Variants in COL11A1 observed in about 807,000 individuals in gnomAD.
The protein encoded by COL11A1 is collagen type XI alpha 1 chain.
A neutral mutation model predicts 265.2 loss-of-function variants in COL11A1; 74 were observed. The observed-to-expected ratio is 0.28, with a 90% CI of 0.23 to 0.34. The LOEUF is 0.34. COL11A1 is among the 10% of genes least tolerant of loss of function. The pLI is 1.00. For missense variants in COL11A1, 2,165 were observed against 2,263.6 expected (o/e 0.96, Z 0.88); for synonymous variants, 816 against 727.6 (o/e 1.12, Z -1.96).
At chr1:103,005,813 A>C (rs759185886) in intron 18 of COL11A1, 25 bp downstream of exon 18, 1 of 1,604,706 alleles carries the variant, frequency 6.2e-7, no homozygotes, top group South Asian at 1.1e-5. Context: ...CATTCCCTGG[A>C]AAAAAAGGAA....
At chr1:103,068,916 TAAAC>T (rs1671359367) in intron 4 of COL11A1, among the ~76,000 whole-genome samples, 1 of 151,250 alleles carries the variant, frequency 6.6e-6, no homozygotes, top group African/African-American at 2.4e-5. Context: ...AAAAAAAAAT[TAAAC>T]AAGACCAAAA....
intron 7 of COL11A1, 34 bp from the exon 8 acceptor site, chr1:103,023,030 T>C: frequency 6.3e-7 from 1 of 1,599,230 alleles, no homozygotes; most frequent in Non-Finnish European, 8.5e-7. Flanking sequence ...TTGAGGAACA[T>C]GAAGTTTATT....
intron 51 of COL11A1, 84 bp from the exon 52 acceptor site, chr1:102,914,489 A>G (rs1655071657): frequency 1.5e-6 from 2 of 1,304,516 alleles, no homozygotes; most frequent in Non-Finnish European, 2.1e-6. Flanking sequence ...GAAGAGGTTA[A>G]AGTCATGACA....
Position 103,002,333 on chromosome 1 carries a change from G to T in COL11A1, c.2097+95C>A, listed in dbSNP as rs1665184813. 7.5e-6 allele frequency: 8 copies of T among 1,069,994 alleles called. 1 individual carries two copies. The highest frequency in any genetic ancestry group is 1.4e-6 in the Non-Finnish European group (1 of 709,388). The allele number at this position is 1,069,994 out of a possible 1,614,324, so 66.3% of individuals were successfully genotyped here. On this transcript the variant is annotated intron_variant, in intron 23 of 66. Coordinates refer to ENST00000370096, the MANE Select transcript of COL11A1 (RefSeq NM_001854.4). ...ACATTCACATTTTAAATATTGCTAGGACTACATAGAAAATTGTGAGACTGT... is the reference window on the plus strand; with the variant it reads ...ACATTCACATTTTAAATATTGCTAGTACTACATAGAAAATTGTGAGACTGT...
intron 36 of COL11A1, among the ~76,000 whole-genome samples, chr1:102,971,493 A>T (rs1186164737): frequency 6.6e-6 from 1 of 152,186 alleles, no homozygotes; most frequent in Non-Finnish European, 1.5e-5. Context: ...TTTTAATAAT[A>T]ATATTTTAAA....
intron 30 of COL11A1, among the ~76,000 whole-genome samples, chr1:102,986,981 A>C (rs1428363792): frequency 1.4e-5 from 2 of 138,280 alleles, no homozygotes; most frequent in Non-Finnish European, 2.9e-5. Flanking sequence ...GTTTAAGTGG[A>C]AAAAATAAAA....
intron 18 of COL11A1, 107 bp downstream of exon 18, chr1:103,005,731 A>G: frequency 7.5e-7 from 1 of 1,338,962 alleles, no homozygotes; most frequent in South Asian, 1.2e-5. Context: ...AAGTGGATTC[A>G]CAAACGTTAA....
chr1:103,083,038 T>G, intron 1 of COL11A1, 66 bp from the exon 2 acceptor site: 1 of 1,457,262 alleles, frequency 6.9e-7, no homozygotes, highest in Non-Finnish European at 9.5e-7. Flanking sequence ...ATGAGTATTT[T>G]TAACACAGGA....
At chr1:102,957,895 A>G (rs1368303332) in intron 41 of COL11A1, among the ~76,000 whole-genome samples, 3 of 152,120 alleles carry the variant, frequency 2.0e-5, no homozygotes, top group Non-Finnish European at 4.4e-5. Flanking sequence ...AATAACAGAT[A>G]TAAAATACCT....
intron 28 of COL11A1, 80 bp downstream of exon 28, chr1:102,995,784 G>T: frequency 8.3e-7 from 1 of 1,206,578 alleles, no homozygotes; most frequent in Non-Finnish European, 1.2e-6. Context: ...ATATATTCAA[G>T]AAATAAAATG....
chr1:103,092,396 T>A (rs1030064233), intron 1 of COL11A1, among the ~76,000 whole-genome samples: 1 of 152,160 alleles, frequency 6.6e-6, no homozygotes, highest in Non-Finnish European at 1.5e-5. Flanking sequence ...ACAAGTCTTT[T>A]ATGGTTTACT....
At chr1:103,051,231 G>C (rs1669796101) in intron 4 of COL11A1, among the ~76,000 whole-genome samples, 1 of 152,234 alleles carries the variant, frequency 6.6e-6, no homozygotes, top group South Asian at 2.1e-4. Flanking sequence ...AGGCCTCCTT[G>C]AGCTGTGGTG....
At chr1:102,885,389 A>G (rs1396726158) in intron 63 of COL11A1, among the ~76,000 whole-genome samples, 3 of 152,090 alleles carry the variant, frequency 2.0e-5, no homozygotes, top group Admixed American at 6.6e-5. Flanking sequence ...TTTGAATTAT[A>G]TAAGTCCACT....
chr1:102,940,937 C>T (rs1658656404), intron 42 of COL11A1, among the ~76,000 whole-genome samples: 1 of 152,002 alleles, frequency 6.6e-6, no homozygotes, highest in Non-Finnish European at 1.5e-5. Flanking sequence ...TTTAAATTTA[C>T]CTATACTGTG....
chr1:102,899,974 T>C (rs992292034), intron 54 of COL11A1, among the ~76,000 whole-genome samples: 2 of 152,120 alleles, frequency 1.3e-5, no homozygotes, highest in African/African-American at 2.4e-5. Flanking sequence ...GCTTCAGTGA[T>C]GGATGCACTG....
At chr1:102,972,255 T>C (rs1232708461) in intron 36 of COL11A1, among the ~76,000 whole-genome samples, 1 of 152,186 alleles carries the variant, frequency 6.6e-6, no homozygotes, top group Non-Finnish European at 1.5e-5. Context: ...TCTTAAATGA[T>C]GTACTTTGCC....
intron 62 of COL11A1, 65 bp from the exon 63 acceptor site, chr1:102,887,121 T>C: frequency 6.3e-7 from 1 of 1,596,356 alleles, no homozygotes; most frequent in Non-Finnish European, 8.6e-7. Flanking sequence ...ATATTAATTA[T>C]TACTGGTTAT....
intron 44 of COL11A1, among the ~76,000 whole-genome samples, chr1:102,936,502 T>G (rs1295314592): frequency 4.6e-5 from 7 of 152,164 alleles, no homozygotes; most frequent in Non-Finnish European, 8.8e-5. Context: ...AGAAAACAAC[T>G]GACAGTATTT....
At chr1:103,050,509 T>G (rs942225032) in intron 4 of COL11A1, among the ~76,000 whole-genome samples, 1 of 152,180 alleles carries the variant, frequency 6.6e-6, no homozygotes, top group Non-Finnish European at 1.5e-5. Context: ...CGTCTAATTT[T>G]TTTTCAAAGT....
Sources: allele counts gnomAD v4.1 joint callset (sites outside exome capture counted in the v4.1 genomes callset), GRCh38; gene constraint gnomAD v4.1.1; transcripts MANE v1.5; gene names NCBI Gene and HGNC (gene_info 2026-07-23, HGNC 2026-07-21).